Variants in CDK14 observed in about 807,000 individuals in gnomAD.
CDK14 encodes cyclin-dependent kinase 14.
A neutral mutation model predicts 60.7 loss-of-function variants in CDK14; 34 were observed. The observed-to-expected ratio is 0.56, with a 90% CI of 0.43 to 0.75. The LOEUF (loss-of-function observed/expected upper bound fraction) is 0.75. CDK14 is among the 30% of genes least tolerant of loss of function. The probability of loss-of-function intolerance (pLI) is 0.00; values close to 1 mark genes in which losing one functional copy is unlikely to be tolerated. For synonymous variants in CDK14, 197 were observed against 203.7 expected (o/e 0.97, Z 0.28); for missense variants, 482 against 564.1 (o/e 0.85, Z 1.47).
At chr7:91,167,995 G>T (rs1296565241) in intron 14 of CDK14, among the ~76,000 whole-genome samples, 1 of 152,134 alleles carries the variant, frequency 6.6e-6, no homozygotes, top group African/African-American at 2.4e-5. Flanking sequence ...CGGGCATGTT[G>T]GCTTATGCCT....
At chr7:91,070,345 A>G (rs1798106096) in intron 11 of CDK14, among the ~76,000 whole-genome samples, 1 of 152,168 alleles carries the variant, frequency 6.6e-6, no homozygotes. Flanking sequence ...TCATGTTTCT[A>G]GAATAAGAGC....
intron 4 of CDK14, 83 bp downstream of exon 4, chr7:90,747,858 A>G (rs1163322829): frequency 1.3e-5 from 6 of 448,286 alleles, no homozygotes; most frequent in Middle Eastern, 1.3e-3. Flanking sequence ...TTAAATAATT[A>G]TTATTTAATA....
chr7:90,777,377 A>G (rs2116915846), intron 4 of CDK14, among the ~76,000 whole-genome samples: 1 of 152,364 alleles, frequency 6.6e-6, no homozygotes, highest in African/African-American at 2.4e-5. Context: ...GTTTATAGTA[A>G]AAAGGCGACT....
intron 14 of CDK14, among the ~76,000 whole-genome samples, chr7:91,184,125 A>T (rs565325030): frequency 6.9e-6 from 1 of 145,532 alleles, no homozygotes; most frequent in African/African-American, 2.5e-5. Flanking sequence ...GAATCACTTG[A>T]ACCCAGGTGG....
rs1485075798 is a variant in CDK14 at position 91,079,468 on chromosome 7, A to G, written c.1142A>G (p.Gln381Arg). The G allele has an allele frequency of 6.2e-7, 1 of 1,601,846 alleles. No homozygotes were observed. Among genetic ancestry groups the G allele is most frequent in the Admixed American group, 1.7e-5 (1 of 59,558 alleles). The change falls in exon 12 of 15, where the codon CAA becomes CGA. Residue 381 changes from glutamine (Q) to arginine (R), a missense_variant. By Grantham distance (43) the Gln-to-Arg change is conservative. Coordinates refer to ENST00000380050, the MANE Select transcript of CDK14 (RefSeq NM_001287135.2). Reference protein sequence around the residue: ...FTLYSSKNLRQAWNKLSYVNH... With the variant: ...FTLYSSKNLRRAWNKLSYVNH... ...CTGTACAGCTCTAAAAACCTTAGAC[A>G]AGCATGGAATAAGTAAGTCTTTATA...
chr7:90,727,007 A>G (rs1392139050), intron 3 of CDK14, among the ~76,000 whole-genome samples, 195 bp downstream of exon 3: 1 of 152,166 alleles, frequency 6.6e-6, no homozygotes, highest in African/African-American at 2.4e-5. Flanking sequence ...AAGCAAGCAA[A>G]TGAATGAAAT....
intron 11 of CDK14, among the ~76,000 whole-genome samples, chr7:91,071,898 T>C (rs115063648): frequency 0.02 from 2,980 of 152,278 alleles, 100 homozygotes; most frequent in African/African-American, 0.067. Flanking sequence ...CTGTGGCAGA[T>C]TGTGGCCAGA....
chr7:91,194,208 T>G (rs1802461344), intron 14 of CDK14, among the ~76,000 whole-genome samples: 1 of 152,326 alleles, frequency 6.6e-6, no homozygotes, highest in Admixed American at 6.5e-5. Flanking sequence ...AGCATGAGTA[T>G]TTTATATCGT....
chr7:90,957,189 C>T (rs1411113966), intron 9 of CDK14, among the ~76,000 whole-genome samples: 1 of 151,760 alleles, frequency 6.6e-6, no homozygotes, highest in Non-Finnish European at 1.5e-5. Flanking sequence ...GGAATCGCCA[C>T]ACTGACTTCC....
At chr7:90,753,281 C>A (rs927101453) in intron 4 of CDK14, among the ~76,000 whole-genome samples, 2 of 152,136 alleles carry the variant, frequency 1.3e-5, no homozygotes, top group Admixed American at 1.3e-4. Flanking sequence ...TCAAAAAGAT[C>A]ATTCACCACA....
intron 9 of CDK14, among the ~76,000 whole-genome samples, chr7:90,983,111 ATAAAT>A (rs754531905): frequency 2.0e-5 from 3 of 152,212 alleles, no homozygotes; most frequent in Non-Finnish European, 4.4e-5. Context: ...AGAATGTATA[ATAAAT>A]TAGTTCAGCC....
intron 2 of CDK14, among the ~76,000 whole-genome samples, chr7:90,607,405 A>G (rs1324210393): frequency 6.6e-6 from 1 of 152,204 alleles, no homozygotes; most frequent in African/African-American, 2.4e-5. Flanking sequence ...GGCCTCTTCC[A>G]GAGAGTGCCT....
intron 2 of CDK14, among the ~76,000 whole-genome samples, chr7:90,633,095 C>CAA (rs10645065): frequency 0.31 from 45,155 of 144,536 alleles, 7,281 homozygotes; most frequent in East Asian, 0.57. Context: ...GATTCTGTCT[C>CAA]AAAAAAAAAA....
At chr7:90,880,539 A>T (rs994056603) in intron 6 of CDK14, among the ~76,000 whole-genome samples, 1 of 152,138 alleles carries the variant, frequency 6.6e-6, no homozygotes, top group African/African-American at 2.4e-5. Flanking sequence ...AGCCCAGATG[A>T]GTGGGTTTCC....
At chr7:90,968,529 C>G (rs1194067868) in intron 9 of CDK14, among the ~76,000 whole-genome samples, 1 of 151,980 alleles carries the variant, frequency 6.6e-6, no homozygotes, top group South Asian at 2.1e-4. Context: ...ACAATAGATT[C>G]CAAGAGTGGG....
chr7:90,917,802 A>C (rs1013762112), intron 8 of CDK14, 78 bp downstream of exon 8: 1 of 1,431,156 alleles, frequency 7.0e-7, no homozygotes, highest in East Asian at 2.3e-5. Flanking sequence ...GCATTTGTTT[A>C]GGTGCACTTC....
intron 5 of CDK14, among the ~76,000 whole-genome samples, chr7:90,838,475 C>T (rs372834752): frequency 1.5e-4 from 23 of 152,172 alleles, no homozygotes; most frequent in East Asian, 1.2e-3. Flanking sequence ...TGACTGCCTG[C>T]GGGGTCAGGC....
intron 5 of CDK14, among the ~76,000 whole-genome samples, chr7:90,807,558 C>G (rs1468261613): frequency 6.6e-6 from 1 of 152,076 alleles, no homozygotes; most frequent in Non-Finnish European, 1.5e-5. Context: ...AATCCGAGTG[C>G]CTCTCCTCCT....
intron 12 of CDK14, among the ~76,000 whole-genome samples, chr7:91,105,825 A>T (rs1257246497): frequency 2.0e-5 from 3 of 152,204 alleles, no homozygotes; most frequent in Non-Finnish European, 2.9e-5. Flanking sequence ...CATATAAAAA[A>T]CTTAAGAGAC....
Sources: gnomAD v4.1 joint callset for allele counts (sites outside exome capture counted in the v4.1 genomes callset) on GRCh38, gnomAD v4.1.1 for gene constraint, MANE v1.5 for transcripts, NCBI Gene and HGNC (gene_info 2026-07-23, HGNC 2026-07-21) for gene names.